The following SOD2 variants were observed in gnomAD, a reference collection of about 807,000 sequenced individuals.
SOD2 encodes the protein superoxide dismutase 2, also known as superoxide dismutase [Mn], mitochondrial.
Under a neutral mutation model 27.0 loss-of-function variants are expected in SOD2, and 11 were observed. The observed-to-expected ratio is 0.41, with a 90% confidence interval of 0.26 to 0.67. The LOEUF is 0.67. Ranked by LOEUF, SOD2 falls within the 30% of genes least tolerant of loss-of-function variation. The pLI is 0.34. For synonymous variants in SOD2, 105 were observed against 103.0 expected (o/e 1.02, Z -0.12); for missense variants, 250 against 274.5 (o/e 0.91, Z 0.63).
chr6:159,705,277 C>T (rs956962563), intron 1 of SOD2, among the ~76,000 whole-genome samples: 2 of 152,232 alleles, frequency 1.3e-5, no homozygotes, highest in Non-Finnish European at 2.9e-5. Context: ...CAGAGAATGA[C>T]TTTGACGAGT....
chr6:159,760,925 A>G (rs1417986091), intron 1 of SOD2: 2 of 152,344 alleles, frequency 1.3e-5, no homozygotes, highest in African/African-American at 4.8e-5. Flanking sequence ...TTAGCAGAGT[A>G]GACAGCTGAT....
chr6:159,694,761 ATT>A (rs34851405), upstream of SOD2, among the ~76,000 whole-genome samples: 8 of 140,540 alleles, frequency 5.7e-5, no homozygotes, highest in African/African-American at 1.6e-4. Context: ...ACGCCCCACT[ATT>A]TTTTTTTTTT....
At chr6:159,688,047 A>G (rs1020528174) in intron 3 of SOD2, 79 bp downstream of exon 3, 11 of 845,208 alleles carry the variant, frequency 1.3e-5, no homozygotes, top group Admixed American at 2.1e-5. Context: ...AAAAACAAGT[A>G]TAAGGTAACT....
chr6:159,755,170 T>A, intron 1 of SOD2: 2 of 1,614,062 alleles, frequency 1.2e-6, no homozygotes, highest in Non-Finnish European at 1.7e-6. Flanking sequence ...CTGCCCCAAG[T>A]ACCAGCAGGA....
chr6:159,685,101 A>C, intron 3 of SOD2, 68 bp from the exon 4 acceptor site: 4 of 1,109,472 alleles, frequency 3.6e-6, no homozygotes, highest in Non-Finnish European at 4.9e-6. Flanking sequence ...AAAATGTTAT[A>C]TTACATGTAT....
intron 1 of SOD2, among the ~76,000 whole-genome samples, chr6:159,710,926 T>C (rs1042206275): frequency 1.4e-5 from 2 of 138,118 alleles, no homozygotes; most frequent in Non-Finnish European, 3.2e-5. Flanking sequence ...CTGATCACCA[T>C]AACCACCTCC....
intron 2 of SOD2, among the ~76,000 whole-genome samples, chr6:159,689,286 C>T (rs898113112): frequency 6.6e-6 from 1 of 152,214 alleles, no homozygotes; most frequent in African/African-American, 2.4e-5. Context: ...CTTCAAGTCT[C>T]CACTGAAACA....
At position 159,676,389 on chromosome 6, in the gene SOD2, C is replaced by A. The variant is rs966380687; in HGVS notation, c.*6104G>T. 6.6e-6 allele frequency: 1 copy of A among 152,096 alleles called. No individual in the cohort carries two copies. The highest frequency in any genetic ancestry group is 1.5e-5 in the Non-Finnish European group (1 of 68,036). The allele number at this position is 152,096 out of a possible 1,614,324, so 9.4% of individuals were successfully genotyped here. On this transcript the variant is annotated 3_prime_UTR_variant, in exon 5 of 5. Transcript: ENST00000538183. ...TAGATTGGTTTAAGAAGATGTGGCA[C>A]ATATACACCATGGAATACTATGCAG...
intron 1 of SOD2, among the ~76,000 whole-genome samples, chr6:159,699,777 G>C (rs1275281432): frequency 3.3e-5 from 5 of 152,176 alleles, no homozygotes; most frequent in African/African-American, 1.2e-4. Context: ...TTGGCTGGCT[G>C]AATCTCTGGG....
chr6:159,713,091 T>A, intron 1 of SOD2: 1 of 722,244 alleles, frequency 1.4e-6, no homozygotes, highest in Non-Finnish European at 2.3e-6. Flanking sequence ...ATTATAACAT[T>A]CTTAGTGGCT....
chr6:159,703,958 C>T (rs1353427543), intron 1 of SOD2, among the ~76,000 whole-genome samples: 1 of 152,154 alleles, frequency 6.6e-6, no homozygotes, highest in East Asian at 1.9e-4. Flanking sequence ...GTGACACAAG[C>T]CTGTAATGCA....
chr6:159,746,216 C>T (rs1562463275), upstream of SOD2, among the ~76,000 whole-genome samples: 1 of 152,102 alleles, frequency 6.6e-6, no homozygotes, highest in South Asian at 2.1e-4. Context: ...GAGGAACTGT[C>T]AAGTGGGAAG....
intron 1 of SOD2, 93 bp from the exon 2 acceptor site, chr6:159,692,956 CGAGTCCCCGCGTCCCCT>C (rs1777302834): frequency 7.4e-7 from 1 of 1,360,062 alleles, no homozygotes; most frequent in Non-Finnish European, 9.7e-7. Flanking sequence ...CGGCGTCCCC[CGAGTCCCCGCGTCCCCT>C]CCCTGCGGAT....
chr6:159,692,617 G>C (rs1435097525), intron 2 of SOD2, 44 bp downstream of exon 2: 52 of 1,605,442 alleles, frequency 3.2e-5, no homozygotes, highest in Non-Finnish European at 4.3e-5. Flanking sequence ...CCCTGGGGTC[G>C]CCTCTGCCGG....
intron 1 of SOD2, among the ~76,000 whole-genome samples, chr6:159,699,670 A>T (rs965618961): frequency 6.6e-6 from 1 of 152,102 alleles, no homozygotes; most frequent in South Asian, 2.1e-4. Context: ...AGTAAGATTG[A>T]TTTCAGGTGC....
At chr6:159,710,288 T>TATATATAA (rs1323477194) in intron 1 of SOD2, among the ~76,000 whole-genome samples, 5 of 147,852 alleles carry the variant, frequency 3.4e-5, no homozygotes, top group South Asian at 2.1e-4. Flanking sequence ...TATATATATA[T>TATATATAA]AAAATACAAA....
chr6:159,676,717 A>G lies in SOD2; in HGVS notation c.*5776T>C, dbSNP rs909980946. On this transcript the variant is annotated 3_prime_UTR_variant, in exon 5 of 5. Transcript: ENST00000538183. ...CATGTAACAAACCTGCATGTTGTAC[A>G]CATGTACCCTAGAACTTAAAGTATA... 1.3e-5 allele frequency: 2 copies of G among 152,198 alleles called. No individual in the cohort carries two copies. The highest frequency in any genetic ancestry group is 4.8e-5 in the African/African-American group (2 of 41,424). The allele number at this position is 152,198 out of a possible 1,614,324, so 9.4% of individuals were successfully genotyped here.
chr6:159,744,473 C>G (rs188401490), intron 1 of SOD2, among the ~76,000 whole-genome samples: 1 of 152,120 alleles, frequency 6.6e-6, no homozygotes, highest in Non-Finnish European at 1.5e-5. Context: ...TTATTAAAGT[C>G]TTCTAAGATA....
intron 1 of SOD2, among the ~76,000 whole-genome samples, chr6:159,710,705 C>T (rs1777718796): frequency 6.7e-6 from 1 of 150,328 alleles, no homozygotes; most frequent in African/African-American, 2.4e-5. Flanking sequence ...TCACCCTAAC[C>T]ACCTCCATAA....
Sources: gnomAD v4.1 joint callset for allele counts (sites outside exome capture counted in the v4.1 genomes callset) on GRCh38, gnomAD v4.1.1 for gene constraint, MANE v1.5 for transcripts, NCBI Gene and HGNC (gene_info 2026-07-23, HGNC 2026-07-21) for gene names.